Variants in ARB2A observed in about 807,000 individuals in gnomAD.
ARB2A encodes the protein cotranscriptional regulator ARB2A.
the ARB2A span, chr5:94,074,818 T>C: frequency 3.1e-6 from 4 of 1,273,422 alleles, no homozygotes; most frequent in African/African-American, 6.0e-5. Context: ...AACCTATCTA[T>C]TCCACGAGAA....
chr5:93,983,089 C>T, the ARB2A span, among the ~76,000 whole-genome samples: 1 of 151,818 alleles, frequency 6.6e-6, no homozygotes, highest in South Asian at 2.1e-4. Flanking sequence ...AGTAGAAAGA[C>T]AATATTTTAA....
At chr5:93,620,256 C>G in the ARB2A span, 2 of 152,160 alleles carry the variant, frequency 1.3e-5, no homozygotes, top group Non-Finnish European at 2.9e-5. Context: ...CTTCTGAAAT[C>G]AGAGACTTGT....
At chr5:93,934,517 C>G in the ARB2A span, among the ~76,000 whole-genome samples, 1 of 152,054 alleles carries the variant, frequency 6.6e-6, no homozygotes, top group Non-Finnish European at 1.5e-5. Context: ...CCTAAGTGGT[C>G]TTAGGTAATC....
the ARB2A span, among the ~76,000 whole-genome samples, chr5:93,692,910 G>A: frequency 3.0e-4 from 46 of 152,146 alleles, no homozygotes; most frequent in Admixed American, 1.2e-3. Context: ...ACTCAAAACC[G>A]CACAACTACA....
the ARB2A span, among the ~76,000 whole-genome samples, chr5:93,868,439 A>G: frequency 1.3e-5 from 2 of 152,240 alleles, no homozygotes; most frequent in East Asian, 1.9e-4. Flanking sequence ...GTTTACATCC[A>G]TTGATAAAGC....
the ARB2A span, among the ~76,000 whole-genome samples, chr5:93,881,001 AC>A: frequency 1.3e-5 from 2 of 151,376 alleles, no homozygotes; most frequent in Non-Finnish European, 1.5e-5. Flanking sequence ...AGTAAACCTT[AC>A]CCCCCAAGAT....
the ARB2A span, among the ~76,000 whole-genome samples, chr5:93,682,503 GT>G: frequency 0.049 from 6,528 of 132,966 alleles, 151 homozygotes; most frequent in Middle Eastern, 0.085. Flanking sequence ...TAGGCAAAAA[GT>G]TTTTTTTTTT....
At chr5:93,875,144 T>C in the ARB2A span, among the ~76,000 whole-genome samples, 1 of 152,144 alleles carries the variant, frequency 6.6e-6, no homozygotes, top group Non-Finnish European at 1.5e-5. Context: ...ATCATTCTAC[T>C]TTTCAGACAA....
chr5:93,704,514 T>C, the ARB2A span, among the ~76,000 whole-genome samples: 1 of 152,278 alleles, frequency 6.6e-6, no homozygotes, highest in Middle Eastern at 3.4e-3. Flanking sequence ...CAGTGAGACT[T>C]GATCATGCCA....
the ARB2A span, among the ~76,000 whole-genome samples, chr5:93,921,623 A>G: frequency 6.6e-6 from 1 of 152,156 alleles, no homozygotes; most frequent in African/African-American, 2.4e-5. Context: ...ATTTATTAGT[A>G]AGGAAGAGAA....
At chr5:94,086,610 T>C in the ARB2A span, among the ~76,000 whole-genome samples, 1 of 152,244 alleles carries the variant, frequency 6.6e-6, no homozygotes, top group African/African-American at 2.4e-5. Context: ...TGGAGTGCAA[T>C]GGCACGATCT....
At chr5:94,073,446 A>C in the ARB2A span, among the ~76,000 whole-genome samples, 1 of 152,078 alleles carries the variant, frequency 6.6e-6, no homozygotes, top group African/African-American at 2.4e-5. Context: ...CATGTTAAGA[A>C]GGAAAACCTT....
At chr5:93,798,770 A>G in the ARB2A span, among the ~76,000 whole-genome samples, 1 of 152,158 alleles carries the variant, frequency 6.6e-6, no homozygotes, top group African/African-American at 2.4e-5. Flanking sequence ...CCTCTCCTTC[A>G]CTCTATGCTA....
At chr5:93,680,415 G>C in the ARB2A span, among the ~76,000 whole-genome samples, 1 of 152,040 alleles carries the variant, frequency 6.6e-6, no homozygotes, top group Non-Finnish European at 1.5e-5. Context: ...ATTTGATCAA[G>C]ATCATAATTG....
chr5:93,648,581 T>C, the ARB2A span, among the ~76,000 whole-genome samples: 2 of 152,180 alleles, frequency 1.3e-5, no homozygotes, highest in Non-Finnish European at 2.9e-5. Flanking sequence ...GGAGAGGAGA[T>C]TGAAATCAGT....
At chr5:93,986,452 T>A in the ARB2A span, among the ~76,000 whole-genome samples, 1 of 147,866 alleles carries the variant, frequency 6.8e-6, no homozygotes, top group African/African-American at 2.5e-5. Flanking sequence ...GGGGGGCCCC[T>A]CTGCCCGGCC....
chr5:93,824,390 A>C, the ARB2A span: 1 of 530,464 alleles, frequency 1.9e-6, no homozygotes, highest in Non-Finnish European at 3.0e-6. Flanking sequence ...CTCATTCAAA[A>C]TAAAAATAAT....
chr5:93,965,000 T>C, the ARB2A span, among the ~76,000 whole-genome samples: 1 of 152,018 alleles, frequency 6.6e-6, no homozygotes, highest in South Asian at 2.1e-4. Flanking sequence ...GACCTGTCAG[T>C]AACACTGCTT....
the ARB2A span, among the ~76,000 whole-genome samples, chr5:94,096,394 A>C: frequency 6.6e-6 from 1 of 152,304 alleles, no homozygotes; most frequent in East Asian, 1.9e-4. Flanking sequence ...TAATACAAAT[A>C]GTGTGTCTCC....
Sources: gnomAD v4.1 joint callset for allele counts (sites outside exome capture counted in the v4.1 genomes callset) on GRCh38, gnomAD v4.1.1 for gene constraint, MANE v1.5 for transcripts, NCBI Gene and HGNC (gene_info 2026-07-23, HGNC 2026-07-21) for gene names.